Variants in IL1RAPL1 observed in about 807,000 individuals in gnomAD.
IL1RAPL1 encodes the protein interleukin 1 receptor accessory protein like 1.
Under a neutral mutation model 48.4 loss-of-function variants are expected in IL1RAPL1, and 3 were observed. That is an observed-to-expected ratio of 0.06 (90% confidence interval 0.03 to 0.16). The LOEUF (loss-of-function observed/expected upper bound fraction) is 0.16, where lower values mean the gene tolerates loss of function less well. Ranked by LOEUF, IL1RAPL1 falls within the 10% of genes least tolerant of loss-of-function variation. The pLI is 1.00. For synonymous variants in IL1RAPL1, 185 were observed against 187.7 expected (o/e 0.99, Z 0.12); for missense variants, 349 against 530.6 (o/e 0.66, Z 3.36).
At chrX:29,221,568 A>G (rs1930973765) in intron 2 of IL1RAPL1, among the ~76,000 whole-genome samples, 1 of 108,586 alleles carries the variant, frequency 9.2e-6, no homozygotes, top group African/African-American at 3.4e-5. Flanking sequence ...AAGGGATCAT[A>G]TACTGCATAT....
rs748598543 is a variant in IL1RAPL1 at position 29,361,097 on chromosome X, A to G, written c.363-35161A>G. Among the ~76,000 whole-genome samples, 117 of 112,040 alleles carry G rather than the reference A, an allele frequency of 1.0e-3. 1 individual carries two copies. The highest frequency in any genetic ancestry group is 3.7e-3 in the African/African-American group (113 of 30,900). The stretch of plus-strand genomic sequence containing the variant: ...AAAAATGTCTCTGAGATGAGAAAGC[A>G]TACTGTATCTGAAACCTAGCCAACC... On this transcript the variant is annotated intron_variant, in intron 3 of 10. Transcript: ENST00000378993.
At chrX:29,535,452 A>C (rs1167651053) in intron 5 of IL1RAPL1, among the ~76,000 whole-genome samples, 1 of 111,695 alleles carries the variant, frequency 9.0e-6, no homozygotes, top group African/African-American at 3.3e-5. Flanking sequence ...ATCAACTAGC[A>C]CTAAAGGCTC....
intron 6 of IL1RAPL1, among the ~76,000 whole-genome samples, chrX:29,732,705 C>G (rs145915671): frequency 2.1e-3 from 236 of 111,966 alleles, no homozygotes; most frequent in African/African-American, 6.7e-3. Context: ...GATGCATCTT[C>G]TTTATGAATA....
At chrX:29,565,047 C>G (rs1922353383) in intron 5 of IL1RAPL1, among the ~76,000 whole-genome samples, 1 of 111,826 alleles carries the variant, frequency 8.9e-6, no homozygotes, top group Admixed American at 9.5e-5. Flanking sequence ...ACTGCCTTCT[C>G]TCGTCTGTAA....
At chrX:29,040,200 G>T (rs1569224836) in intron 2 of IL1RAPL1, among the ~76,000 whole-genome samples, 1 of 112,132 alleles carries the variant, frequency 8.9e-6, no homozygotes, top group African/African-American at 3.2e-5. Context: ...GTTCCTTTTA[G>T]TCTATGATAG....
At chrX:28,716,372 G>A (rs1935504649) in intron 1 of IL1RAPL1, among the ~76,000 whole-genome samples, 1 of 110,855 alleles carries the variant, frequency 9.0e-6, no homozygotes, top group Non-Finnish European at 1.9e-5. Context: ...ATTCAAATAG[G>A]GAGAGAGGAA....
At chrX:29,222,710 A>C in intron 2 of IL1RAPL1, among the ~76,000 whole-genome samples, 1 of 111,753 alleles carries the variant, frequency 8.9e-6, no homozygotes, top group Admixed American at 9.5e-5. Flanking sequence ...TGCTGTGATA[A>C]GAACCAAAAA....
chrX:29,651,118 A>G (rs1159758769), intron 5 of IL1RAPL1, among the ~76,000 whole-genome samples: 2 of 110,533 alleles, frequency 1.8e-5, no homozygotes, highest in Non-Finnish European at 3.8e-5. Flanking sequence ...AAAAAAAAAA[A>G]AAGATAAGTT....
intron 2 of IL1RAPL1, among the ~76,000 whole-genome samples, chrX:28,867,265 G>T (rs1032757079): frequency 8.9e-6 from 1 of 111,767 alleles, no homozygotes; most frequent in Non-Finnish European, 1.9e-5. Context: ...GTAATCTAGA[G>T]GAATAGAGCA....
intron 5 of IL1RAPL1, among the ~76,000 whole-genome samples, chrX:29,568,632 G>C (rs891110965): frequency 3.6e-5 from 4 of 110,841 alleles, no homozygotes; most frequent in Non-Finnish European, 7.6e-5. Context: ...TCTCAAGTGG[G>C]CCTATTTATT....
At chrX:29,395,341 CTCTT>C (rs1933908048) in intron 3 of IL1RAPL1, among the ~76,000 whole-genome samples, 1 of 111,641 alleles carries the variant, frequency 9.0e-6, no homozygotes, top group Non-Finnish European at 1.9e-5. Flanking sequence ...TTTTATTCCT[CTCTT>C]TCTTCTCATT....
At chrX:28,989,310 T>TTA (rs1236829503) in intron 2 of IL1RAPL1, among the ~76,000 whole-genome samples, 4 of 112,612 alleles carry the variant, frequency 3.6e-5, no homozygotes, top group African/African-American at 1.3e-4. Context: ...CTCACTTCTT[T>TTA]TATATTTCAT....
intron 6 of IL1RAPL1, among the ~76,000 whole-genome samples, chrX:29,876,092 C>G (rs1181929429): frequency 9.0e-6 from 1 of 111,155 alleles, no homozygotes; most frequent in Non-Finnish European, 1.9e-5. Flanking sequence ...CCACTACTAC[C>G]CAAGAGGGAA....
chrX:29,358,929 G>A (rs760581144), intron 3 of IL1RAPL1, among the ~76,000 whole-genome samples: 6 of 109,364 alleles, frequency 5.5e-5, no homozygotes, highest in Admixed American at 9.8e-5. Context: ...GCTGAGGTGG[G>A]AGGATCGTTT....
chrX:29,504,035 A>C (rs888897893), intron 5 of IL1RAPL1, among the ~76,000 whole-genome samples: 4 of 104,375 alleles, frequency 3.8e-5, no homozygotes, highest in Admixed American at 2.1e-4. Context: ...ATCTCGACTC[A>C]CTGCAACCTC....
chrX:29,443,622 A>G (rs1418356111), intron 5 of IL1RAPL1, among the ~76,000 whole-genome samples: 1 of 111,630 alleles, frequency 9.0e-6, no homozygotes, highest in South Asian at 3.7e-4. Flanking sequence ...CAAACTAGCT[A>G]TATCATTTAG....
intron 2 of IL1RAPL1, among the ~76,000 whole-genome samples, chrX:29,235,936 A>G (rs1931283164): frequency 2.7e-5 from 3 of 112,284 alleles, no homozygotes; most frequent in Non-Finnish European, 3.7e-5. Context: ...TTGAAAGTCA[A>G]TTGATGAATC....
chrX:28,625,247 C>G (rs921167293), intron 1 of IL1RAPL1, among the ~76,000 whole-genome samples: 3 of 111,664 alleles, frequency 2.7e-5, no homozygotes, highest in Non-Finnish European at 5.6e-5. Context: ...GCTGTTAGAA[C>G]AGTGAACTGA....
At chrX:29,205,489 G>T (rs747010167) in intron 2 of IL1RAPL1, among the ~76,000 whole-genome samples, 1 of 110,597 alleles carries the variant, frequency 9.0e-6, no homozygotes, top group African/African-American at 3.3e-5. Flanking sequence ...AATCAGTGTG[G>T]TAGATTCTGG....
Sources: gnomAD v4.1 joint callset for allele counts (sites outside exome capture counted in the v4.1 genomes callset) on GRCh38, gnomAD v4.1.1 for gene constraint, MANE v1.5 for transcripts, NCBI Gene and HGNC (gene_info 2026-07-23, HGNC 2026-07-21) for gene names.